Variants in SLC4A4 observed in about 807,000 individuals in gnomAD.
SLC4A4 encodes the protein electrogenic sodium bicarbonate cotransporter 1.
Under a neutral mutation model 111.5 loss-of-function variants are expected in SLC4A4, and 27 were observed. The ratio of observed to expected loss-of-function variants is 0.24; its 90% CI spans 0.18 to 0.33. The LOEUF is 0.33. Ranked by LOEUF, SLC4A4 falls within the 10% of genes least tolerant of loss-of-function variation. SLC4A4 has a pLI of 1.00. For synonymous variants in SLC4A4, 443 were observed against 463.4 expected, an observed-to-expected ratio of 0.96 and a Z score of 0.57; for missense variants, 909 against 1,315.5, an observed-to-expected ratio of 0.69 and a Z score of 4.78.
At chr4:71,122,313 CAAAAAAA>C (rs10611413) in intron 2 of SLC4A4, among the ~76,000 whole-genome samples, 6 of 117,332 alleles carry the variant, frequency 5.1e-5, no homozygotes, top group Admixed American at 2.6e-4. Flanking sequence ...GACTCTGTCT[CAAAAAAA>C]AAAAAAAAAA....
At chr4:71,179,783 A>C (rs1298698959) in intron 2 of SLC4A4, among the ~76,000 whole-genome samples, 4 of 152,178 alleles carry the variant, frequency 2.6e-5, no homozygotes, top group Non-Finnish European at 5.9e-5. Flanking sequence ...TGCCCAAGGT[A>C]ATTTATAGAT....
At chr4:71,157,523 C>A (rs1298410746) in intron 2 of SLC4A4, among the ~76,000 whole-genome samples, 1 of 151,868 alleles carries the variant, frequency 6.6e-6, no homozygotes, top group Admixed American at 6.6e-5. Flanking sequence ...TTAGCATAAG[C>A]AATATTTTAT....
chr4:71,157,590 A>G lies in SLC4A4; in HGVS notation c.-2+64798A>G, dbSNP rs959415298. Among the ~76,000 whole-genome samples, 5 of 152,316 alleles carry G rather than the reference A, an allele frequency of 3.3e-5. No homozygotes were observed. The South Asian group carries it at 8.3e-4, about 25-fold the overall frequency. On this transcript the variant is annotated intron_variant, in intron 2 of 26. Coordinates refer to the SLC4A4 transcript ENST00000649996. ...ATTATAGAATGTAATGTACAAATTCATAGCTCTGAAATTAGGAAATTTGAA... is the reference window on the plus strand; with the variant it reads ...ATTATAGAATGTAATGTACAAATTCGTAGCTCTGAAATTAGGAAATTTGAA...
At chr4:71,378,215 A>G (rs1732600080) in intron 6 of SLC4A4, among the ~76,000 whole-genome samples, 1 of 152,196 alleles carries the variant, frequency 6.6e-6, no homozygotes, top group Non-Finnish European at 1.5e-5. Context: ...TTATGCTACC[A>G]TGTGCCCTGA....
At chr4:71,068,061 C>CTTTTT (rs138059694) in intron 1 of SLC4A4, among the ~76,000 whole-genome samples, 5 of 132,368 alleles carry the variant, frequency 3.8e-5, no homozygotes, top group East Asian at 2.2e-4. Context: ...TTTGAACAAA[C>CTTTTT]GTTTTTTTTT....
intron 3 of SLC4A4, among the ~76,000 whole-genome samples, chr4:71,332,800 ACT>A (rs2148881155): frequency 6.6e-6 from 1 of 151,964 alleles, no homozygotes; most frequent in African/African-American, 2.4e-5. Context: ...CTGTTGAGAG[ACT>A]CTGATGCATC....
intron 1 of SLC4A4, among the ~76,000 whole-genome samples, chr4:71,086,174 T>C (rs1742162825): frequency 2.0e-5 from 3 of 151,858 alleles, no homozygotes; most frequent in African/African-American, 7.3e-5. Flanking sequence ...CAATTGTGAA[T>C]GGGAGTTCAC....
intron 8 of SLC4A4, among the ~76,000 whole-genome samples, chr4:71,444,971 A>G (rs1367985824): frequency 6.6e-6 from 1 of 152,164 alleles, no homozygotes; most frequent in Non-Finnish European, 1.5e-5. Context: ...TATGTCCACC[A>G]TGTTGGTTTG....
chr4:71,527,975 A>G (rs974047562), intron 16 of SLC4A4, among the ~76,000 whole-genome samples: 1 of 152,038 alleles, frequency 6.6e-6, no homozygotes, highest in African/African-American at 2.4e-5. Flanking sequence ...AGTTTGGAGG[A>G]GTTGAAAGGA....
At chr4:71,564,141 A>G (rs983939907) in intron 24 of SLC4A4, among the ~76,000 whole-genome samples, 4 of 151,590 alleles carry the variant, frequency 2.6e-5, no homozygotes, top group African/African-American at 7.3e-5. Flanking sequence ...AGTTTTTCCA[A>G]TGGCTAAATT....
chr4:71,202,556 C>T (rs950913309), intron 1 of SLC4A4, among the ~76,000 whole-genome samples: 5 of 152,088 alleles, frequency 3.3e-5, no homozygotes, highest in African/African-American at 4.8e-5. Flanking sequence ...CTGTTTGTAC[C>T]AGTAATCCAT....
intron 13 of SLC4A4, among the ~76,000 whole-genome samples, chr4:71,470,480 A>G (rs574346021): frequency 1.3e-5 from 2 of 152,176 alleles, no homozygotes; most frequent in Admixed American, 6.5e-5. Flanking sequence ...TTAAAAGGAA[A>G]ATCTAAGAAT....
chr4:71,331,273 C>T (rs1008082528), intron 3 of SLC4A4, among the ~76,000 whole-genome samples: 1 of 152,174 alleles, frequency 6.6e-6, no homozygotes, highest in Non-Finnish European at 1.5e-5. Context: ...TATAAAGACA[C>T]ATGCACACGT....
At chr4:71,414,758 T>C (rs1390017463) in intron 7 of SLC4A4, among the ~76,000 whole-genome samples, 1 of 152,222 alleles carries the variant, frequency 6.6e-6, no homozygotes, top group Non-Finnish European at 1.5e-5. Flanking sequence ...AACCTTTCTT[T>C]CCTAATGGCA....
chr4:71,135,695 C>A (rs113955282), intron 2 of SLC4A4, among the ~76,000 whole-genome samples: 3 of 152,126 alleles, frequency 2.0e-5, no homozygotes, highest in Non-Finnish European at 4.4e-5. Flanking sequence ...TTTCTCCTAA[C>A]TGAAATTTTG....
intron 21 of SLC4A4, among the ~76,000 whole-genome samples, chr4:71,555,495 A>C (rs769350135): frequency 1.3e-5 from 2 of 151,804 alleles, no homozygotes; most frequent in Non-Finnish European, 2.9e-5. Context: ...CCCCTTACCC[A>C]TCTTTATCTC....
chr4:71,458,985 AAAT>A (rs1404309184), intron 12 of SLC4A4, among the ~76,000 whole-genome samples: 2 of 152,020 alleles, frequency 1.3e-5, no homozygotes, highest in Non-Finnish European at 2.9e-5. Flanking sequence ...TGGTAGGTAA[AAAT>A]AAATAGACAT....
intron 18 of SLC4A4, among the ~76,000 whole-genome samples, chr4:71,539,554 T>A (rs963429173): frequency 1.3e-5 from 2 of 152,164 alleles, no homozygotes; most frequent in Non-Finnish European, 2.9e-5. Flanking sequence ...TACTTCCTAA[T>A]GATTGCTATT....
At chr4:71,534,862 T>C (rs1734273095) in intron 18 of SLC4A4, among the ~76,000 whole-genome samples, 1 of 152,162 alleles carries the variant, frequency 6.6e-6, no homozygotes, top group East Asian at 1.9e-4. Flanking sequence ...TGTCAGTATG[T>C]TATTAACCAT....
Sources: gnomAD v4.1 joint callset for allele counts (sites outside exome capture counted in the v4.1 genomes callset) on GRCh38, gnomAD v4.1.1 for gene constraint, MANE v1.5 for transcripts, NCBI Gene and HGNC (gene_info 2026-07-23, HGNC 2026-07-21) for gene names.